SETBP1: variants seen among roughly 807,000 people sequenced by gnomAD.
SETBP1 encodes the protein SET-binding protein.
Under a neutral mutation model 101.0 loss-of-function variants are expected in SETBP1, and 9 were observed. The observed-to-expected ratio is 0.09, with a 90% confidence interval of 0.05 to 0.16. SETBP1 has a LOEUF of 0.16. Ranked by LOEUF, SETBP1 falls within the 10% of genes least tolerant of loss-of-function variation. The pLI is 1.00. For synonymous variants in SETBP1, 818 were observed against 788.5 expected (o/e 1.04, Z -0.63); for missense variants, 1,858 against 2,033.8 (o/e 0.91, Z 1.66).
rs545546815 is a variant in SETBP1 at position 44,708,750 on chromosome 18, AAAGAAAAG to A, written c.486+6921_486+6928del. 2.0e-4 allele frequency among the ~76,000 whole-genome samples: 30 copies of A among 151,982 alleles called. No individual in the cohort carries two copies. The East Asian group carries it at 5.2e-3, about 26-fold the overall frequency. On this transcript the variant is annotated intron_variant, in intron 2 of 5. Coordinates refer to ENST00000649279, the MANE Select transcript of SETBP1 (RefSeq NM_015559.3). ...CTACATGTTCAAAAAAAAGAAAAGA[AAAGAAAAG>A]AAAAGAAAAAGATGAAGAAGAAAAA... is the stretch of plus-strand genomic sequence containing the variant.
chr18:44,720,913 C>CCA (rs1233488591), intron 2 of SETBP1, among the ~76,000 whole-genome samples: 21 of 141,702 alleles, frequency 1.5e-4, no homozygotes, highest in African/African-American at 5.4e-4. Flanking sequence ...CCCCACCCCC[C>CCA]ACCCCAACCC....
intron 1 of SETBP1, chr18:44,697,407 CAT>C (rs2144168357): frequency 1.3e-5 from 2 of 152,370 alleles, no homozygotes; most frequent in East Asian, 3.9e-4. Flanking sequence ...ATGAGGGTCA[CAT>C]ATGGACACCA....
At chr18:45,040,868 T>C (rs2073494266) in intron 5 of SETBP1, among the ~76,000 whole-genome samples, 1 of 152,180 alleles carries the variant, frequency 6.6e-6, no homozygotes, top group South Asian at 2.1e-4. Context: ...TTTCACAGAT[T>C]TGGTCCATTT....
Position 44,782,684 on chromosome 18 carries a change from A to G in SETBP1, c.486+80852A>G, listed in dbSNP as rs111606616. On this transcript the variant is annotated intron_variant, in intron 2 of 5. Transcript: ENST00000649279. ...GGCTAAACTCAGTCAACCCACAGGG[A>G]TTGATAGAAGCCCATTGTCTGCTTT... 2.6e-3 allele frequency among the ~76,000 whole-genome samples: 394 copies of G among 152,270 alleles called. 1 individual carries two copies. Among genetic ancestry groups the G allele is most frequent in the Middle Eastern group, 6.8e-3 (2 of 294 alleles).
intron 2 of SETBP1, among the ~76,000 whole-genome samples, chr18:44,726,667 G>A (rs573091830): frequency 4.1e-4 from 62 of 152,266 alleles, no homozygotes; most frequent in African/African-American, 1.2e-3. Context: ...ATTTCATCAC[G>A]TGTTTGATTC....
chr18:44,848,018 T>C (rs1340965437), intron 2 of SETBP1, among the ~76,000 whole-genome samples: 1 of 152,042 alleles, frequency 6.6e-6, no homozygotes. Context: ...TCAGAAATGC[T>C]TCAGGGCCAG....
intron 2 of SETBP1, among the ~76,000 whole-genome samples, chr18:44,858,859 A>G (rs1305261617): frequency 6.6e-6 from 1 of 152,176 alleles, no homozygotes; most frequent in Admixed American, 6.5e-5. Flanking sequence ...AAGTTATAAT[A>G]CACTTTAATA....
intron 2 of SETBP1, among the ~76,000 whole-genome samples, chr18:44,840,406 G>T (rs971485321): frequency 5.9e-5 from 9 of 152,210 alleles, no homozygotes; most frequent in Non-Finnish European, 8.8e-5. Context: ...TTTTGCAAAA[G>T]GACTCTGCTA....
At chr18:44,879,489 A>C (rs2069482523) in intron 3 of SETBP1, among the ~76,000 whole-genome samples, 1 of 152,228 alleles carries the variant, frequency 6.6e-6, no homozygotes, top group Non-Finnish European at 1.5e-5. Context: ...TGTTACTCTT[A>C]TAAATTACAT....
In SETBP1 at chr18:44,953,119, C is replaced by G; in HGVS notation, c.3779C>G (p.Thr1260Arg). ...DLSSEPVDSC[T>R]KRYSGSGGDG... ...AGCAGTGAGCCTGTGGACTCATGCA[C>G]GAAAAGATACTCTGGCAGTGGCGGG... Residue 1260 changes from threonine (T) to arginine (R), a missense_variant, in exon 4 of 6, where the codon ACG (threonine) becomes AGG (arginine). By Grantham distance (71) the Thr-to-Arg change is moderately conservative. Transcript: ENST00000649279. 1 of 1,614,050 alleles carries G rather than the reference C, an allele frequency of 6.2e-7. No homozygotes were observed. The highest frequency in any genetic ancestry group is 1.7e-5 in the Admixed American group (1 of 60,012).
At chr18:44,756,437 C>A (rs1018413322) in intron 2 of SETBP1, among the ~76,000 whole-genome samples, 3 of 152,162 alleles carry the variant, frequency 2.0e-5, no homozygotes, top group African/African-American at 7.2e-5. Context: ...TCTCACACAG[C>A]CTTCTGGGAT....
chr18:44,749,765 A>G (rs2070340854), intron 2 of SETBP1, among the ~76,000 whole-genome samples: 1 of 152,244 alleles, frequency 6.6e-6, no homozygotes, highest in African/African-American at 2.4e-5. Context: ...TCCTATAATC[A>G]TGGGATATGG....
intron 2 of SETBP1, among the ~76,000 whole-genome samples, chr18:44,762,085 C>T (rs1441367396): frequency 1.3e-5 from 2 of 152,000 alleles, no homozygotes; most frequent in Non-Finnish European, 2.9e-5. Context: ...ACTGGTCTTT[C>T]AAGGTTTACC....
At chr18:44,780,965 G>A (rs1347350321) in intron 2 of SETBP1, among the ~76,000 whole-genome samples, 1 of 152,122 alleles carries the variant, frequency 6.6e-6, no homozygotes, top group Non-Finnish European at 1.5e-5. Flanking sequence ...TCCAGAGAAG[G>A]GGAACAGCTT....
At chr18:44,967,445 T>C (rs1397161666) in intron 4 of SETBP1, among the ~76,000 whole-genome samples, 1 of 152,260 alleles carries the variant, frequency 6.6e-6, no homozygotes, top group African/African-American at 2.4e-5. Context: ...TGGTACTCTA[T>C]CATTGTTGTA....
intron 4 of SETBP1, among the ~76,000 whole-genome samples, chr18:45,027,450 G>A (rs2073190275): frequency 6.6e-6 from 1 of 152,100 alleles, no homozygotes; most frequent in Non-Finnish European, 1.5e-5. Context: ...TTTCATATTA[G>A]CAAATTATTT....
intron 4 of SETBP1, among the ~76,000 whole-genome samples, chr18:45,011,260 C>G (rs1161488745): frequency 1.3e-5 from 2 of 152,162 alleles, no homozygotes; most frequent in Non-Finnish European, 2.9e-5. Context: ...CACCACCTAT[C>G]AGACCTGAGA....
intron 2 of SETBP1, among the ~76,000 whole-genome samples, chr18:44,789,967 T>C (rs1021535983): frequency 6.6e-6 from 1 of 152,218 alleles, no homozygotes; most frequent in African/African-American, 2.4e-5. Context: ...TCCAATTCAC[T>C]GGACAAACCC....
At chr18:44,715,829 C>T (rs145596062) in intron 2 of SETBP1, among the ~76,000 whole-genome samples, 2 of 152,300 alleles carry the variant, frequency 1.3e-5, no homozygotes, top group Non-Finnish European at 2.9e-5. Context: ...AGCCCCCAGA[C>T]GTGGCTGTGA....
Sources: allele counts gnomAD v4.1 joint callset (sites outside exome capture counted in the v4.1 genomes callset), GRCh38; gene constraint gnomAD v4.1.1; transcripts MANE v1.5; gene names NCBI Gene and HGNC (gene_info 2026-07-23, HGNC 2026-07-21).